PDE6A: variants seen among roughly 807,000 people sequenced by gnomAD.
PDE6A encodes the protein rod cGMP-specific 3',5'-cyclic phosphodiesterase subunit alpha.
A neutral mutation model predicts 106.3 loss-of-function variants in PDE6A; 84 were observed. That is an observed-to-expected ratio of 0.79 (90% CI 0.66 to 0.95). PDE6A has a LOEUF of 0.95. PDE6A is among the 40% of genes least tolerant of loss of function. The pLI, the probability that PDE6A is intolerant of heterozygous loss-of-function variation, is 0.00. For synonymous variants in PDE6A, 394 were observed against 386.6 expected (o/e 1.02, Z -0.23); for missense variants, 1,052 against 1,084.9 (o/e 0.97, Z 0.43).
intron 4 of PDE6A, among the ~76,000 whole-genome samples, chr5:149,924,867 G>C (rs571176384): frequency 6.6e-6 from 1 of 152,150 alleles, no homozygotes; most frequent in Non-Finnish European, 1.5e-5. Context: ...CCAAGCTTAC[G>C]GAAGACTCAC....
intron 8 of PDE6A, 54 bp from the exon 9 acceptor site, chr5:149,899,578 C>T (rs938917082): frequency 1.7e-5 from 27 of 1,562,934 alleles, no homozygotes; most frequent in Admixed American, 5.0e-5. Context: ...ACAGAGGCAA[C>T]GATGATAGAT....
chr5:149,944,062 A>G (rs1754398563), intron 1 of PDE6A, 138 bp downstream of exon 1: 1 of 673,026 alleles, frequency 1.5e-6, no homozygotes, highest in African/African-American at 1.8e-5. Context: ...AATTATGAGT[A>G]AATATGTAAA....
intron 17 of PDE6A, among the ~76,000 whole-genome samples, chr5:149,871,222 G>T (rs1355077895): frequency 1.3e-5 from 2 of 152,204 alleles, no homozygotes; most frequent in Non-Finnish European, 2.9e-5. Flanking sequence ...CATCACCATA[G>T]AAGAACACAC....
chr5:149,927,515 C>T (rs1448628016), intron 4 of PDE6A, among the ~76,000 whole-genome samples: 1 of 152,072 alleles, frequency 6.6e-6, no homozygotes, highest in East Asian at 1.9e-4. Context: ...TGGTCTCAAG[C>T]GATTCTTCTA....
At position 149,934,650 on chromosome 5, in the gene PDE6A, G is replaced by A. The variant is rs1754133109; in HGVS notation, c.543C>T (p.Pro181=). The A allele has an allele frequency of 1.1e-5, 18 of 1,613,996 alleles. No homozygotes were observed. The East Asian group carries it at 3.8e-4, about 34-fold the overall frequency. Residue 181 remains proline (P), a synonymous_variant, in exon 2 of 22, where the codon CCC becomes CCT. Coordinates refer to ENST00000255266, the MANE Select transcript of PDE6A (RefSeq NM_000440.3). ...CCACCACATCCTTCCCATTCATTAT[G>A]GGGGAAGCCAAGATGTTCTTGGTCT... ...EYKTKNILAS[P]IMNGKDVVAI...
chr5:149,876,077 TA>T (rs1760728423), intron 17 of PDE6A, among the ~76,000 whole-genome samples: 1 of 152,164 alleles, frequency 6.6e-6, no homozygotes, highest in South Asian at 2.1e-4. Flanking sequence ...TATATCCATT[TA>T]TTGAAATTAT....
intron 5 of PDE6A, among the ~76,000 whole-genome samples, chr5:149,917,422 T>A (rs749772482): frequency 3.3e-5 from 5 of 152,214 alleles, no homozygotes; most frequent in Non-Finnish European, 5.9e-5. Context: ...CAAAGAGGAA[T>A]TCCTGAACCA....
chr5:149,895,965 T>C (rs1400549603), intron 12 of PDE6A, among the ~76,000 whole-genome samples: 2 of 152,030 alleles, frequency 1.3e-5, no homozygotes, highest in South Asian at 2.1e-4. Context: ...TTCTCTGCCG[T>C]CCCCCATGAC....
At chr5:149,907,078 A>G (rs1248526909) in intron 7 of PDE6A, among the ~76,000 whole-genome samples, 1 of 152,092 alleles carries the variant, frequency 6.6e-6, no homozygotes, top group African/African-American at 2.4e-5. Context: ...GGCCAAGACT[A>G]TGCACCTTTC....
In PDE6A at chr5:149,863,104, C is replaced by T. The variant is rs1400762229; in HGVS notation, c.2506+15G>A. ...AGTGGGGTGGTGGGAGTCCCTGCTT[C>T]CCCCTTCCACAAACCTGACTTGGCC... On this transcript the variant is annotated intron_variant, in intron 21 of 21. Transcript: ENST00000255266. The surrounding 1 kb of genome is among the most constrained non-coding windows in gnomAD (Gnocchi z 4.7). 1.9e-6 allele frequency: 3 copies of T among 1,614,146 alleles called. No individual in the cohort carries two copies. The highest frequency in any genetic ancestry group is 1.6e-4 in the Middle Eastern group (1 of 6,062).
chr5:149,884,895 T>G, intron 14 of PDE6A, 28 bp from the exon 15 acceptor site: 2 of 1,539,820 alleles, frequency 1.3e-6, no homozygotes. Flanking sequence ...AGAATCAATA[T>G]GGAGTGGACA....
chr5:149,929,609 A>AAAAT (rs370987088), intron 4 of PDE6A, among the ~76,000 whole-genome samples: 78,936 of 145,178 alleles, frequency 0.54, 21,654 homozygotes, highest in Admixed American at 0.6. Context: ...TCCGTCTCAA[A>AAAAT]AAATAAATAA....
At chr5:149,877,491 C>A (rs1177503205) in intron 17 of PDE6A, among the ~76,000 whole-genome samples, 3 of 152,162 alleles carry the variant, frequency 2.0e-5, no homozygotes, top group East Asian at 1.9e-4. Flanking sequence ...CTCACTGCAA[C>A]CTCTGCCTCC....
At chr5:149,882,150 C>G (rs1212461525) in intron 17 of PDE6A, among the ~76,000 whole-genome samples, 1 of 151,928 alleles carries the variant, frequency 6.6e-6, no homozygotes, top group East Asian at 1.9e-4. Context: ...CTGAGCATGC[C>G]CCCTTGTTCA....
At chr5:149,940,397 C>A (rs1176601815) in intron 1 of PDE6A, among the ~76,000 whole-genome samples, 1 of 152,112 alleles carries the variant, frequency 6.6e-6, no homozygotes, top group Non-Finnish European at 1.5e-5. Flanking sequence ...GAGGAGATGA[C>A]GGGAGCCATG....
At chr5:149,924,781 C>A (rs1326206991) in intron 4 of PDE6A, among the ~76,000 whole-genome samples, 1 of 152,176 alleles carries the variant, frequency 6.6e-6, no homozygotes, top group African/African-American at 2.4e-5. Context: ...GAGATGTAAA[C>A]CTGACCCTTG....
chr5:149,944,106 C>T (rs1754399749), intron 1 of PDE6A, 94 bp downstream of exon 1: 2 of 877,616 alleles, frequency 2.3e-6, no homozygotes, highest in Admixed American at 3.4e-5. Flanking sequence ...TGTCACCAGC[C>T]TTGTCTTGGT....
intron 13 of PDE6A, among the ~76,000 whole-genome samples, chr5:149,890,890 G>A (rs1411088339): frequency 2.0e-5 from 3 of 152,190 alleles, no homozygotes; most frequent in African/African-American, 7.2e-5. Flanking sequence ...TGAAATTGGT[G>A]AGATATACAA....
At chr5:149,929,692 A>G (rs1021032852) in intron 4 of PDE6A, among the ~76,000 whole-genome samples, 1 of 152,170 alleles carries the variant, frequency 6.6e-6, no homozygotes, top group Non-Finnish European at 1.5e-5. Flanking sequence ...CATATATATG[A>G]ACCTCAAAAA....
Sources: allele counts gnomAD v4.1 joint callset (sites outside exome capture counted in the v4.1 genomes callset), GRCh38; gene constraint gnomAD v4.1.1; non-coding constraint Gnocchi (gnomAD v3.1); transcripts MANE v1.5; gene names NCBI Gene and HGNC (gene_info 2026-07-23, HGNC 2026-07-21).